Variants in RICTOR observed in about 807,000 individuals in gnomAD.
RICTOR encodes rapamycin-insensitive companion of mTOR.
In RICTOR, 49 loss-of-function variants were observed where a neutral mutation model predicts 214.9. The observed-to-expected ratio is 0.23, with a 90% CI of 0.18 to 0.29. The LOEUF (loss-of-function observed/expected upper bound fraction) is 0.29, where lower values mean the gene tolerates loss of function less well. Ranked by LOEUF, RICTOR falls within the 10% of genes least tolerant of loss-of-function variation. The probability of loss-of-function intolerance (pLI) is 1.00; values close to 1 mark genes in which losing one functional copy is unlikely to be tolerated. For synonymous variants in RICTOR, 717 were observed against 711.3 expected, an observed-to-expected ratio of 1.01 and a Z score of -0.13; for missense variants, 1,625 against 2,047.0, an observed-to-expected ratio of 0.79 and a Z score of 3.98.
intron 2 of RICTOR, among the ~76,000 whole-genome samples, chr5:39,030,927 GAGA>G (rs1228791833): frequency 1.3e-5 from 2 of 152,082 alleles, no homozygotes; most frequent in African/African-American, 4.8e-5. Context: ...CAAGAGGACA[GAGA>G]AGAAGGAAAA....
At chr5:39,029,538 T>C (rs1242031834) in intron 2 of RICTOR, among the ~76,000 whole-genome samples, 1 of 152,134 alleles carries the variant, frequency 6.6e-6, no homozygotes, top group African/African-American at 2.4e-5. Flanking sequence ...CAAAACTGAT[T>C]TTTAAACAAA....
At chr5:38,972,075 ACTATTT>A in intron 10 of RICTOR, 116 bp from the exon 11 acceptor site, 3 of 568,886 alleles carry the variant, frequency 5.3e-6, no homozygotes, top group Non-Finnish European at 9.3e-6. Context: ...TGATTATGAT[ACTATTT>A]GGTCATCATA....
intron 24 of RICTOR, 128 bp downstream of exon 24, chr5:38,958,315 A>C: frequency 1.5e-6 from 1 of 653,946 alleles, no homozygotes; most frequent in South Asian, 2.0e-5. Flanking sequence ...AATAATGAAA[A>C]GACAATGTTT....
intron 3 of RICTOR, among the ~76,000 whole-genome samples, chr5:39,011,337 T>C (rs757225238): frequency 1.3e-5 from 2 of 152,232 alleles, no homozygotes; most frequent in Non-Finnish European, 1.5e-5. Context: ...AATGCTTGCA[T>C]GTCCAGGCAG....
At chr5:39,052,169 T>G (rs1278170282) in intron 2 of RICTOR, among the ~76,000 whole-genome samples, 1 of 151,972 alleles carries the variant, frequency 6.6e-6, no homozygotes, top group Non-Finnish European at 1.5e-5. Context: ...AGAACAAGAA[T>G]TCAAGATCAG....
chr5:38,983,835 C>A (rs1319062842), intron 7 of RICTOR, among the ~76,000 whole-genome samples: 1 of 151,866 alleles, frequency 6.6e-6, no homozygotes, highest in African/African-American at 2.4e-5. Flanking sequence ...CATGGTGGTG[C>A]GTGCCTGTAG....
At chr5:39,030,105 C>A (rs1756160434) in intron 2 of RICTOR, among the ~76,000 whole-genome samples, 1 of 152,062 alleles carries the variant, frequency 6.6e-6, no homozygotes, top group South Asian at 2.1e-4. Flanking sequence ...TAAAGTGCTA[C>A]ACAAATACTA....
At chr5:38,951,529 G>A (rs566847405) in intron 30 of RICTOR, among the ~76,000 whole-genome samples, 22 of 151,968 alleles carry the variant, frequency 1.4e-4, no homozygotes, top group South Asian at 4.1e-4. Context: ...TAGTTTAATA[G>A]GCAGCACTTC....
rs192172429 is a variant in RICTOR, at chr5:39,045,553, A to C, written c.98-24417T>G. Among the ~76,000 whole-genome samples, 570 of 152,294 alleles carry C rather than the reference A, an allele frequency of 3.7e-3. 5 individuals are homozygous for C. Among genetic ancestry groups the C allele is most frequent in the African/African-American group, 0.013 (544 of 41,572 alleles). ...GGAATCCTTTATTATAAGAGAAAAA[A>C]ATCAGTTTGTCTTTGAAACAATTCA... On this transcript the variant is annotated intron_variant, in intron 2 of 37. Transcript: ENST00000357387.
chr5:38,962,929 G>A lies in RICTOR; in HGVS notation c.1513C>T (p.His505Tyr), dbSNP rs1251062808. Residue 505 changes from histidine to tyrosine, a missense_variant, in exon 17 of 38, where the codon CAC becomes TAC. His to Tyr is a moderately conservative substitution (Grantham distance 83). Transcript: ENST00000357387. The stretch of plus-strand genomic sequence containing the variant: ...CGGAGATACTGATCCCGTTTCTGGT[G>A]TGTTGCAATTGCTTTCTGAATAATG... ...DHIIQKAIAT[H>Y]QKRDQYLRVQ... 1 of 1,612,762 alleles carries A rather than the reference G, an allele frequency of 6.2e-7. No individual in the cohort carries two copies. The highest frequency in any genetic ancestry group is 1.7e-5 in the Admixed American group (1 of 59,998).
intron 10 of RICTOR, among the ~76,000 whole-genome samples, chr5:38,972,871 CAAAAA>C (rs34804901): frequency 1.5e-5 from 1 of 66,270 alleles, no homozygotes; most frequent in Non-Finnish European, 3.2e-5. Context: ...AACAGAAGGG[CAAAAA>C]AAAAAAAAAG....
At chr5:38,965,452 G>T (rs956879864) in intron 15 of RICTOR, among the ~76,000 whole-genome samples, 3 of 151,936 alleles carry the variant, frequency 2.0e-5, no homozygotes, top group Non-Finnish European at 4.4e-5. Context: ...GATAGAAAAT[G>T]TAAGAATAAT....
At chr5:39,032,319 A>G (rs1391655510) in intron 2 of RICTOR, among the ~76,000 whole-genome samples, 2 of 152,226 alleles carry the variant, frequency 1.3e-5, no homozygotes, top group African/African-American at 4.8e-5. Flanking sequence ...GAAGCACATA[A>G]TAATCTTTTG....
chr5:39,036,289 C>A (rs1053365004), intron 2 of RICTOR, among the ~76,000 whole-genome samples: 1 of 152,182 alleles, frequency 6.6e-6, no homozygotes, highest in African/African-American at 2.4e-5. Flanking sequence ...CACCACCAGG[C>A]CTGCCCTAAA....
intron 14 of RICTOR, 137 bp downstream of exon 14, chr5:38,967,024 C>T (rs1750290835): frequency 1.4e-6 from 1 of 726,656 alleles, no homozygotes; most frequent in Admixed American, 2.2e-5. Flanking sequence ...TGGTCTCGAA[C>T]TCCTGGCCTG....
At chr5:39,010,711 TGC>T (rs1474816311) in intron 3 of RICTOR, among the ~76,000 whole-genome samples, 1 of 152,232 alleles carries the variant, frequency 6.6e-6, no homozygotes, top group East Asian at 1.9e-4. Context: ...ATTTTGCCAC[TGC>T]ACTAGAAATC....
intron 2 of RICTOR, among the ~76,000 whole-genome samples, chr5:39,064,373 T>A (rs997789816): frequency 6.6e-6 from 1 of 152,192 alleles, no homozygotes; most frequent in African/African-American, 2.4e-5. Context: ...GAAACAAAAA[T>A]CTGTGCTAAT....
intron 6 of RICTOR, 38 bp downstream of exon 6, chr5:38,996,781 C>A: frequency 7.7e-7 from 1 of 1,292,378 alleles, no homozygotes; most frequent in Non-Finnish European, 1.1e-6. Context: ...AACATAAAAA[C>A]CATAAATTTG....
intron 2 of RICTOR, 141 bp downstream of exon 2, chr5:39,073,970 G>A (rs1181746020): frequency 1.6e-4 from 55 of 342,002 alleles, no homozygotes; most frequent in Non-Finnish European, 5.7e-5. Context: ...GGTTCCCGCG[G>A]GCCGGCAGGC....
Sources: allele counts gnomAD v4.1 joint callset (sites outside exome capture counted in the v4.1 genomes callset), GRCh38; gene constraint gnomAD v4.1.1; transcripts MANE v1.5; gene names NCBI Gene and HGNC (gene_info 2026-07-23, HGNC 2026-07-21).